POLR2D: variants seen among roughly 807,000 people sequenced by gnomAD.
The protein encoded by POLR2D is DNA-directed RNA polymerase II subunit RPB4.
In POLR2D, 10 loss-of-function variants were observed where a neutral mutation model predicts 17.6. The observed-to-expected ratio is 0.57, with a 90% CI of 0.35 to 0.96. POLR2D has a LOEUF of 0.96. Ranked by LOEUF, POLR2D falls within the 40% of genes least tolerant of loss-of-function variation. The pLI is 0.02. For missense variants in POLR2D, 126 were observed against 176.4 expected, an observed-to-expected ratio of 0.71 and a Z score of 1.62; for synonymous variants, 52 against 60.2, an observed-to-expected ratio of 0.86 and a Z score of 0.63.
At position 127,847,452 on chromosome 2, in the gene POLR2D, T is replaced by C. The variant is rs948856740; in HGVS notation, c.*655A>G. On this transcript the variant is annotated 3_prime_UTR_variant, in exon 4 of 4. Coordinates refer to ENST00000272645, the MANE Select transcript of POLR2D (RefSeq NM_004805.4). ...TGAGCCCAGGAGTTTAAGACCAGTC[T>C]GGACAGCATAGTAAAACCCCACCTC... is the stretch of plus-strand genomic sequence containing the variant. 2 of 152,860 alleles carry C rather than the reference T, an allele frequency of 1.3e-5. No homozygotes were observed. The highest frequency in any genetic ancestry group is 4.8e-5 in the African/African-American group (2 of 41,414). 9.5% of individuals were successfully genotyped at this position (152,860 alleles called of 1,614,324 possible). A position where few individuals can be genotyped will look rare whatever the true frequency, so the allele number is the denominator to read the frequency against.
Position 127,858,141 on chromosome 2 carries a change from G to A in POLR2D, c.-41C>T, listed in dbSNP as rs1446648694. On this transcript the variant is annotated 5_prime_UTR_variant, in exon 1 of 4. Coordinates refer to ENST00000272645, the MANE Select transcript of POLR2D (RefSeq NM_004805.4). ...CGCGCCACCACCAGCGCCGCCGGAA[G>A]CAGAAGCGCGGAGCAACGGCCGCGG... The A allele has an allele frequency of 2.2e-6, 3 of 1,393,468 alleles. No individual in the cohort carries two copies. Among genetic ancestry groups the A allele is most frequent in the South Asian group, 1.6e-5 (1 of 63,138 alleles). 86.3% of individuals were successfully genotyped at this position (1,393,468 alleles called of 1,614,324 possible).
At position 127,858,137 on chromosome 2, in the gene POLR2D, G is replaced by A. The variant is rs1207000653; in HGVS notation, c.-37C>T. On this transcript the variant is annotated 5_prime_UTR_variant, in exon 1 of 4. Transcript: ENST00000272645. The stretch of plus-strand genomic sequence containing the variant: ...GCCGCGCGCCACCACCAGCGCCGCC[G>A]GAAGCAGAAGCGCGGAGCAACGGCC... 7.1e-6 allele frequency: 10 copies of A among 1,402,302 alleles called. No homozygotes were observed. Among genetic ancestry groups the A allele is most frequent in the South Asian group, 1.5e-5 (1 of 64,620 alleles). The allele number at this position is 1,402,302 out of a possible 1,614,324, so 86.9% of individuals were successfully genotyped here. A position where few individuals can be genotyped will look rare whatever the true frequency, so the allele number is the denominator to read the frequency against.
At position 127,858,094 on chromosome 2, in the gene POLR2D, C is replaced by T; in HGVS notation, c.7G>A (p.Ala3Thr). 6.6e-7 allele frequency: 1 copy of T among 1,504,532 alleles called. No homozygotes were observed. Among genetic ancestry groups the T allele is most frequent in the Non-Finnish European group, 8.9e-7 (1 of 1,127,200 alleles). 93.2% of individuals were successfully genotyped at this position (1,504,532 alleles called of 1,614,324 possible). ...CCAGCCCGCGGATCGCTGCCACCCGCCGCCATCGCCGCGCCGCGCCGCGCG... is the reference window on the plus strand; with the variant it reads ...CCAGCCCGCGGATCGCTGCCACCCGTCGCCATCGCCGCGCCGCGCCGCGCG... MAAGGSDPRAGDV... is the reference protein window; with the variant it reads MATGGSDPRAGDV... Residue 3 changes from alanine to threonine, a missense_variant, in exon 1 of 4, where the codon GCG becomes ACG. Ala to Thr is a moderately conservative substitution (Grantham distance 58). Transcript: ENST00000272645.
rs11693759 is a variant in POLR2D at position 127,844,192 on chromosome 2, G to A, written c.*3915C>T. 22,111 of 149,498 alleles carry A rather than the reference G, an allele frequency of 0.15. 2,103 individuals carry two copies. Among genetic ancestry groups the A allele is most frequent in the African/African-American group, 0.27 (10,942 of 40,296 alleles). The allele number at this position is 149,498 out of a possible 1,614,324, so 9.3% of individuals were successfully genotyped here. ...TCCCTATGGAAGATGCAGAAAAAAA[G>A]GCACCATCTTGGACCAGAAAGCCGC... On this transcript the variant is annotated 3_prime_UTR_variant, in exon 4 of 4. Transcript: ENST00000272645.
Position 127,844,107 on chromosome 2 carries a change from C to CAAAAAAAAAAAAAAAAAAAAA in POLR2D, c.*3999_*4000insTTTTTTTTTTTTTTTTTTTTT, listed in dbSNP as rs76109896. The stretch of plus-strand genomic sequence containing the variant: ...CGACAGAGCAAGATCCTGCTGTATC[C>CAAAAAAAAAAAAAAAAAAAAA]AAAAAAAAAAAAAAAAAAAGCCTGG... On this transcript the variant is annotated 3_prime_UTR_variant, in exon 4 of 4. Transcript: ENST00000272645. The CAAAAAAAAAAAAAAAAAAAAA allele has an allele frequency of 1.0e-4, 7 of 69,476 alleles. 2 individuals are homozygous for CAAAAAAAAAAAAAAAAAAAAA. The highest frequency in any genetic ancestry group is 4.5e-4 in the African/African-American group (7 of 15,660). 4.3% of individuals were successfully genotyped at this position (69,476 alleles called of 1,614,324 possible). A position where few individuals can be genotyped will look rare whatever the true frequency, so the allele number is the denominator to read the frequency against.
At chr2:127,857,677 G>T in intron 1 of POLR2D, 1 of 428,440 alleles carries the variant, frequency 2.3e-6, no homozygotes, top group Non-Finnish European at 3.3e-6. Context: ...ACGCCCAGAG[G>T]TTCTGTACTA....
At chr2:127,856,102 G>T (rs903577579) in intron 1 of POLR2D, among the ~76,000 whole-genome samples, 1 of 151,628 alleles carries the variant, frequency 6.6e-6, no homozygotes, top group Non-Finnish European at 1.5e-5. Context: ...GGGCCACATG[G>T]TGAAACCTTG....
intron 1 of POLR2D, among the ~76,000 whole-genome samples, chr2:127,855,174 A>G (rs1253683923): frequency 3.9e-5 from 6 of 152,050 alleles, no homozygotes; most frequent in Non-Finnish European, 8.8e-5. Context: ...AGGCAGGTGA[A>G]TCACCTGAGG....
At chr2:127,853,226 C>T (rs990881853) in intron 1 of POLR2D, 121 bp from the exon 2 acceptor site, 2 of 766,818 alleles carry the variant, frequency 2.6e-6, no homozygotes, top group Non-Finnish European at 4.3e-6. Context: ...TCCTACTCCA[C>T]ATCTGCTTTT....
chr2:127,857,988 G>C, intron 1 of POLR2D, 40 bp downstream of exon 1: 5 of 1,570,210 alleles, frequency 3.2e-6, no homozygotes, highest in Non-Finnish European at 4.3e-6. Flanking sequence ...CGGCGACCAC[G>C]CGAAGTGGCG....
Position 127,847,474 on chromosome 2 carries a change from C to A in POLR2D, c.*633G>T, listed in dbSNP as rs1690175597. ...GTCTGGACAGCATAGTAAAACCCCA[C>A]CTCTATAAAAAATTTTAAAAATTAG... On this transcript the variant is annotated 3_prime_UTR_variant, in exon 4 of 4. Transcript: ENST00000272645. 6.5e-6 allele frequency: 1 copy of A among 153,164 alleles called. No individual in the cohort carries two copies. The highest frequency in any genetic ancestry group is 1.5e-5 in the Non-Finnish European group (1 of 68,866). The allele number at this position is 153,164 out of a possible 1,614,324, so 9.5% of individuals were successfully genotyped here.
In POLR2D at chr2:127,852,962, G is replaced by C; in HGVS notation, c.217C>G (p.Arg73Gly). ...KTLNYTARFS[R>G]FKNRETIASV... ...GCAATGGTCTCTCTGTTTTTGAAAC[G>C]ACTGAAACGGGCTGTGTAGTTTAAT... Residue 73 changes from arginine to glycine, a missense_variant, in exon 2 of 4, where the codon CGT becomes GGT. Arg to Gly is a moderately radical substitution (Grantham distance 125). Around this residue, in one of 2 missense-constraint regions of POLR2D, gnomAD observed 85 missense variants for 151.4 expected, o/e 0.56. Coordinates refer to ENST00000272645, the MANE Select transcript of POLR2D (RefSeq NM_004805.4). This position sits in a 1 kb window ranked among gnomAD's most constrained non-coding sequence, Gnocchi z 4.0. 6.2e-7 allele frequency: 1 copy of C among 1,613,714 alleles called. No homozygotes were observed. Among genetic ancestry groups the C allele is most frequent in the South Asian group, 1.1e-5 (1 of 90,968 alleles).
intron 2 of POLR2D, among the ~76,000 whole-genome samples, chr2:127,850,896 A>G (rs1308013356): frequency 1.3e-5 from 2 of 151,992 alleles, no homozygotes; most frequent in Non-Finnish European, 2.9e-5. Flanking sequence ...GACCAGCCTG[A>G]GCACCATGGC....
intron 2 of POLR2D, among the ~76,000 whole-genome samples, chr2:127,851,798 GTT>G (rs200930178): frequency 2.0e-5 from 3 of 151,732 alleles, no homozygotes; most frequent in African/African-American, 7.3e-5. Flanking sequence ...CGAGGACTTT[GTT>G]TTTTTTGAGA....
At chr2:127,851,210 C>T (rs1352153933) in intron 2 of POLR2D, among the ~76,000 whole-genome samples, 6 of 151,862 alleles carry the variant, frequency 4.0e-5, no homozygotes, top group Admixed American at 1.3e-4. Context: ...AACTAGACTC[C>T]GTCTCAAAAC....
chr2:127,848,591 A>G (rs1372979159), intron 3 of POLR2D, among the ~76,000 whole-genome samples: 1 of 152,076 alleles, frequency 6.6e-6, no homozygotes, highest in Non-Finnish European at 1.5e-5. Flanking sequence ...ATCTCGGCTC[A>G]CTGCAAGCTC....
At chr2:127,851,947 C>T (rs1451985511) in intron 2 of POLR2D, among the ~76,000 whole-genome samples, 3 of 152,290 alleles carry the variant, frequency 2.0e-5, no homozygotes, top group Admixed American at 1.3e-4. Flanking sequence ...TGCGCTACCA[C>T]GCCCAGCTAA....
chr2:127,854,444 A>G (rs1690298350), intron 1 of POLR2D, among the ~76,000 whole-genome samples: 1 of 152,220 alleles, frequency 6.6e-6, no homozygotes, highest in Non-Finnish European at 1.5e-5. Context: ...AACAGTGAGG[A>G]AAAGCCAAAA....
At position 127,852,473 on chromosome 2, in the gene POLR2D, T is replaced by A. The variant is rs1460044248; in HGVS notation, c.254+452A>T. 6.6e-6 allele frequency among the ~76,000 whole-genome samples: 1 copy of A among 152,158 alleles called. No individual in the cohort carries two copies. Among genetic ancestry groups the A allele is most frequent in the Non-Finnish European group, 1.5e-5 (1 of 68,020 alleles). ...GTTGCACATGCTGGTCTTGAACTCC[T>A]GGCCTCAAGAGACTGGTCCACCTCA... On this transcript the variant is annotated intron_variant, in intron 2 of 3. Coordinates refer to ENST00000272645, the MANE Select transcript of POLR2D (RefSeq NM_004805.4). This position sits in a 1 kb window ranked among gnomAD's most constrained non-coding sequence, Gnocchi z 4.0.
Sources: gnomAD v4.1 joint callset for allele counts (sites outside exome capture counted in the v4.1 genomes callset) on GRCh38, gnomAD v4.1.1 for gene constraint, gnomAD v4.1.1 regional missense constraint, Gnocchi (gnomAD v3.1) non-coding constraint, MANE v1.5 for transcripts, NCBI Gene and HGNC (gene_info 2026-07-23, HGNC 2026-07-21) for gene names.